The following SENP8 variants were observed in gnomAD, a reference collection of about 807,000 sequenced individuals.
SENP8 encodes SUMO peptidase family member, NEDD8 specific.
In SENP8, 10 loss-of-function variants were observed where a neutral mutation model predicts 14.4. The observed-to-expected ratio is 0.69, with a 90% CI of 0.43 to 1.18. SENP8 has a LOEUF of 1.18. Among genes scored for constraint, SENP8 ranks in the 50% most tolerant of loss-of-function variants. The pLI, the probability that SENP8 is intolerant of heterozygous loss-of-function variation, is 0.00. For synonymous variants in SENP8, 94 were observed against 95.5 expected (o/e 0.98, Z 0.09); for missense variants, 202 against 249.4 (o/e 0.81, Z 1.28).
rs1366075373 is a variant in SENP8, at chr15:72,142,330, G to A, written c.*2068G>A. The A allele has an allele frequency of 6.6e-6, 1 of 152,146 alleles. No homozygotes were observed. Among genetic ancestry groups the A allele is most frequent in the African/African-American group, 2.4e-5 (1 of 41,436 alleles). The allele number at this position is 152,146 out of a possible 1,614,324, so 9.4% of individuals were successfully genotyped here. A position where few individuals can be genotyped will look rare whatever the true frequency, so the allele number is the denominator to read the frequency against. ...TGCAGGAGAATTTAAGAATTGACTT[G>A]TATTTCACTGGATACTATAGTACCC... On this transcript the variant is annotated 3_prime_UTR_variant, in exon 2 of 2. Coordinates refer to ENST00000340912, the MANE Select transcript of SENP8 (RefSeq NM_145204.4).
rs746750741 is a variant in SENP8, at chr15:72,140,292, G to C, written c.*30G>C. ...TGAAGTATATTTGCGACTTTTGAAGGCTCCTCTTTCTGCCCTTCCCCATTT... is the reference window on the plus strand; with the variant it reads ...TGAAGTATATTTGCGACTTTTGAAGCCTCCTCTTTCTGCCCTTCCCCATTT... On this transcript the variant is annotated 3_prime_UTR_variant, in exon 2 of 2. Coordinates refer to ENST00000340912, the MANE Select transcript of SENP8 (RefSeq NM_145204.4). 4.6e-6 allele frequency: 7 copies of C among 1,524,850 alleles called. No individual in the cohort carries two copies. The African/African-American group carries it at 8.2e-5, about 18-fold the overall frequency. 94.5% of individuals were successfully genotyped at this position (1,524,850 alleles called of 1,614,324 possible).
chr15:72,129,536 ATTTTTTTTT>A (rs35079066), intron 1 of SENP8, among the ~76,000 whole-genome samples: 2 of 105,454 alleles, frequency 1.9e-5, no homozygotes, highest in Admixed American at 9.4e-5. Context: ...CTAATTTTGT[ATTTTTTTTT>A]TTTTTTTTTT....
chr15:72,137,632 C>T (rs1353851146), intron 1 of SENP8, among the ~76,000 whole-genome samples: 3 of 152,234 alleles, frequency 2.0e-5, no homozygotes, highest in African/African-American at 7.2e-5. Flanking sequence ...ATCACTGTCA[C>T]GTTCCATTAT....
upstream of SENP8, chr15:72,118,112 C>A: frequency 5.2e-6 from 2 of 388,232 alleles, no homozygotes; most frequent in Non-Finnish European, 9.1e-6. Flanking sequence ...GGCCCCGCCC[C>A]GCGCGACTCC....
At position 72,143,668 on chromosome 15, in the gene SENP8, A is replaced by T. The variant is rs1309254871; in HGVS notation, c.*3406A>T. 6.6e-6 allele frequency: 1 copy of T among 152,174 alleles called. No individual in the cohort carries two copies. 9.4% of individuals were successfully genotyped at this position (152,174 alleles called of 1,614,324 possible). A position where few individuals can be genotyped will look rare whatever the true frequency, so the allele number is the denominator to read the frequency against. ...CAACAGGTACTGTTATTCTCATTTT[A>T]TAAATAAACTCAGAAGCTCAGTCAC... On this transcript the variant is annotated 3_prime_UTR_variant, in exon 2 of 2. Transcript: ENST00000340912.
At chr15:72,133,355 T>G (rs1014121183) in intron 1 of SENP8, among the ~76,000 whole-genome samples, 2 of 152,252 alleles carry the variant, frequency 1.3e-5, no homozygotes, top group Non-Finnish European at 2.9e-5. Flanking sequence ...ACTTAGCTTC[T>G]AAGAATCCTC....
In SENP8 at chr15:72,129,618, C is replaced by A. The variant is rs1403059243; in HGVS notation, c.-47-9959C>A. Among the ~76,000 whole-genome samples, 6 of 149,858 alleles carry A rather than the reference C, an allele frequency of 4.0e-5. No homozygotes were observed. In the East Asian group the frequency reaches 1.2e-3, roughly 30 times the overall value. ...TGTCAAACTCCTGACCTCAGGTGAT[C>A]CACCCACCTCGGCCTCCCAAAGTGC... On this transcript the variant is annotated intron_variant, in intron 1 of 1. Transcript: ENST00000340912.
At chr15:72,132,303 A>C (rs2081280625) in intron 1 of SENP8, among the ~76,000 whole-genome samples, 1 of 152,176 alleles carries the variant, frequency 6.6e-6, no homozygotes, top group African/African-American at 2.4e-5. Flanking sequence ...CTCTAAACGA[A>C]TTTACTATTA....
chr15:72,125,326 G>C (rs1451239798), intron 1 of SENP8, among the ~76,000 whole-genome samples: 1 of 152,018 alleles, frequency 6.6e-6, no homozygotes, highest in Non-Finnish European at 1.5e-5. Context: ...TTGCTAACTT[G>C]ACAGGTAAAA....
intron 1 of SENP8, among the ~76,000 whole-genome samples, chr15:72,130,413 C>A (rs949187443): frequency 3.3e-5 from 5 of 152,076 alleles, no homozygotes; most frequent in African/African-American, 1.2e-4. Flanking sequence ...CCTTAGAGGT[C>A]AAAAGTAGCC....
Position 72,121,556 on chromosome 15 carries a change from G to A in SENP8, c.-48+3092G>A, listed in dbSNP as rs1223982781. ...CCAGCCTGGGCAACAAAGTGAGACC[G>A]TGTCTCTCCAAAAAAAAAAAAAGAA... On this transcript the variant is annotated intron_variant, in intron 1 of 1. Coordinates refer to ENST00000340912, the MANE Select transcript of SENP8 (RefSeq NM_145204.4). 3.5e-5 allele frequency among the ~76,000 whole-genome samples: 4 copies of A among 115,010 alleles called. No homozygotes were observed. The South Asian group carries it at 1.4e-3, about 41-fold the overall frequency. 75.5% of individuals were successfully genotyped at this position (115,010 alleles called of 152,430 possible).
At chr15:72,115,477 A>G (rs745894782), upstream of SENP8, among the ~76,000 whole-genome samples, 12 of 152,230 alleles carry the variant, frequency 7.9e-5, no homozygotes, top group South Asian at 2.1e-4. Context: ...CCAGAAACCT[A>G]GATTTTATCC....
chr15:72,134,673 C>A, intron 1 of SENP8: 1 of 211,488 alleles, frequency 4.7e-6, no homozygotes, highest in South Asian at 8.2e-5. Context: ...GGAGAGGTAT[C>A]CAATATATGT....
upstream of SENP8, chr15:72,114,616 G>A (rs2080902076): frequency 6.6e-6 from 1 of 152,160 alleles, no homozygotes; most frequent in Non-Finnish European, 1.5e-5. Context: ...GTTTTTGTGG[G>A]GGGAAAAGAG....
chr15:72,116,283 A>G (rs2080974004), upstream of SENP8, among the ~76,000 whole-genome samples: 1 of 152,118 alleles, frequency 6.6e-6, no homozygotes, highest in Non-Finnish European at 1.5e-5. Flanking sequence ...TTACTTTAAC[A>G]TTTTTTACTG....
chr15:72,135,180 G>C, intron 1 of SENP8: 1 of 185,666 alleles, frequency 5.4e-6, no homozygotes. Context: ...TCCTGCCTCA[G>C]CCTCCCGAGT....
At chr15:72,127,926 A>T (rs528772328) in intron 1 of SENP8, among the ~76,000 whole-genome samples, 1 of 151,146 alleles carries the variant, frequency 6.6e-6, no homozygotes, top group East Asian at 1.9e-4. Context: ...CTGCCTCTAT[A>T]AAAAAAAATA....
intron 1 of SENP8, among the ~76,000 whole-genome samples, chr15:72,131,820 C>T (rs1368744531): frequency 6.6e-6 from 1 of 152,154 alleles, no homozygotes; most frequent in Non-Finnish European, 1.5e-5. Flanking sequence ...AGAGTCATGC[C>T]ATGGCTAGTT....
intron 1 of SENP8, among the ~76,000 whole-genome samples, chr15:72,121,722 C>CA (rs1018961520): frequency 2.0e-5 from 3 of 152,032 alleles, no homozygotes; most frequent in Non-Finnish European, 4.4e-5. Flanking sequence ...AGCCTGTCTC[C>CA]AAAAAAAATC....
Sources: allele counts gnomAD v4.1 joint callset (sites outside exome capture counted in the v4.1 genomes callset), GRCh38; gene constraint gnomAD v4.1.1; transcripts MANE v1.5; gene names NCBI Gene and HGNC (gene_info 2026-07-23, HGNC 2026-07-21).